The following ADGRB3 variants were observed in gnomAD, a reference collection of about 807,000 sequenced individuals.
ADGRB3 encodes adhesion G protein-coupled receptor B3, also known as brain-specific angiogenesis inhibitor 3.
In ADGRB3, 37 loss-of-function variants were observed where a neutral mutation model predicts 193.4. The observed-to-expected ratio is 0.19, with a 90% CI of 0.15 to 0.25. The LOEUF (loss-of-function observed/expected upper bound fraction) is 0.25, where lower values mean the gene tolerates loss of function less well. Ranked by LOEUF, ADGRB3 falls within the 10% of genes least tolerant of loss-of-function variation. The pLI is 1.00. For missense variants in ADGRB3, 1,637 were observed against 1,852.9 expected, an observed-to-expected ratio of 0.88 and a Z score of 2.14; for synonymous variants, 690 against 644.2, an observed-to-expected ratio of 1.07 and a Z score of -1.08.
intron 3 of ADGRB3, among the ~76,000 whole-genome samples, chr6:68,850,471 C>G (rs1768375111): frequency 6.6e-6 from 1 of 151,928 alleles, no homozygotes. Context: ...CTCATGTTTT[C>G]TCTCCTGTTA....
At chr6:68,970,035 C>T (rs1385290345) in intron 8 of ADGRB3, among the ~76,000 whole-genome samples, 1 of 152,200 alleles carries the variant, frequency 6.6e-6, no homozygotes, top group African/African-American at 2.4e-5. Context: ...CCAAGCTCTT[C>T]CTTGCTTCAA....
At chr6:69,070,270 A>C (rs1436936553) in intron 16 of ADGRB3, among the ~76,000 whole-genome samples, 1 of 152,218 alleles carries the variant, frequency 6.6e-6, no homozygotes. Flanking sequence ...ATAACCACCA[A>C]GCATTCAAAA....
chr6:68,934,396 G>A (rs962497815), intron 4 of ADGRB3, among the ~76,000 whole-genome samples: 8 of 152,126 alleles, frequency 5.3e-5, no homozygotes, highest in East Asian at 1.9e-4. Context: ...ATACTTGTAC[G>A]AAAGTAATTT....
intron 5 of ADGRB3, among the ~76,000 whole-genome samples, chr6:68,942,468 A>G (rs897413734): frequency 3.3e-5 from 5 of 152,314 alleles, no homozygotes; most frequent in Admixed American, 2.6e-4. Context: ...ACATCAAGAC[A>G]GGAGCTTTTG....
At chr6:69,204,803 CTG>C (rs1434353888) in intron 17 of ADGRB3, among the ~76,000 whole-genome samples, 1 of 152,040 alleles carries the variant, frequency 6.6e-6, no homozygotes, top group Non-Finnish European at 1.5e-5. Context: ...GTTTCCAAGA[CTG>C]TAAAATTATG....
At chr6:68,898,233 C>T (rs1766294925) in intron 3 of ADGRB3, among the ~76,000 whole-genome samples, 1 of 151,908 alleles carries the variant, frequency 6.6e-6, no homozygotes, top group African/African-American at 2.4e-5. Context: ...GAACCTGGAG[C>T]TCTGATGTCT....
At chr6:69,111,934 G>A (rs746666754) in intron 17 of ADGRB3, among the ~76,000 whole-genome samples, 33 of 152,204 alleles carry the variant, frequency 2.2e-4, no homozygotes, top group Non-Finnish European at 3.8e-4. Context: ...TTGTGGGATA[G>A]TCATTTATAG....
intron 3 of ADGRB3, among the ~76,000 whole-genome samples, chr6:68,649,513 T>G (rs1051770799): frequency 5.3e-5 from 8 of 152,158 alleles, no homozygotes; most frequent in African/African-American, 1.2e-4. Context: ...TTCATTAGAT[T>G]TTTTGTACTA....
chr6:69,311,171 A>G (rs914745372), intron 20 of ADGRB3, among the ~76,000 whole-genome samples: 3 of 151,792 alleles, frequency 2.0e-5, no homozygotes, highest in Non-Finnish European at 4.4e-5. Flanking sequence ...GCTTCTCGCA[A>G]TAGCATGAAT....
At chr6:69,186,530 C>T (rs938672959) in intron 17 of ADGRB3, among the ~76,000 whole-genome samples, 1 of 151,584 alleles carries the variant, frequency 6.6e-6, no homozygotes, top group Non-Finnish European at 1.5e-5. Flanking sequence ...ATTATTAACC[C>T]CCCAAGTACC....
intron 20 of ADGRB3, among the ~76,000 whole-genome samples, chr6:69,290,412 C>A (rs1305944769): frequency 6.6e-6 from 1 of 151,638 alleles, no homozygotes; most frequent in Non-Finnish European, 1.5e-5. Flanking sequence ...AAAACATTAA[C>A]CCTTGAGGGA....
intron 3 of ADGRB3, among the ~76,000 whole-genome samples, chr6:68,875,213 T>C (rs1201709475): frequency 1.1e-4 from 6 of 54,752 alleles, no homozygotes; most frequent in African/African-American, 4.2e-4. Flanking sequence ...CCGGCCCCTC[T>C]CCTTCCCCCT....
intron 20 of ADGRB3, 91 bp from the exon 21 acceptor site, chr6:69,324,781 A>C: frequency 7.2e-7 from 1 of 1,382,470 alleles, no homozygotes; most frequent in African/African-American, 1.4e-5. Context: ...AAATAAAAGC[A>C]ATGAATCAGA....
At chr6:68,726,357 G>A (rs553055599) in intron 3 of ADGRB3, among the ~76,000 whole-genome samples, 1 of 151,750 alleles carries the variant, frequency 6.6e-6, no homozygotes, top group African/African-American at 2.4e-5. Context: ...TGTGCACACA[G>A]TCAGTTGCAA....
chr6:68,890,789 T>C (rs989269333), intron 3 of ADGRB3, among the ~76,000 whole-genome samples: 1 of 152,136 alleles, frequency 6.6e-6, no homozygotes, highest in Admixed American at 6.6e-5. Flanking sequence ...AAAGATGACC[T>C]CATAGAACAT....
At chr6:68,863,468 T>C (rs958843744) in intron 3 of ADGRB3, among the ~76,000 whole-genome samples, 7 of 152,042 alleles carry the variant, frequency 4.6e-5, no homozygotes, top group African/African-American at 1.4e-4. Context: ...AATCATTTAG[T>C]ATGATTTTAA....
chr6:69,111,347 G>A (rs1304092838), intron 17 of ADGRB3, among the ~76,000 whole-genome samples: 1 of 152,134 alleles, frequency 6.6e-6, no homozygotes, highest in Non-Finnish European at 1.5e-5. Flanking sequence ...GTTTGCAGTA[G>A]GTACATGTCT....
At chr6:68,998,217 A>G (rs1769449660) in intron 11 of ADGRB3, among the ~76,000 whole-genome samples, 1 of 152,228 alleles carries the variant, frequency 6.6e-6, no homozygotes, top group African/African-American at 2.4e-5. Context: ...GAGGGACAGC[A>G]TTAAAATCAC....
At chr6:69,376,004 G>A (rs991268192) in intron 30 of ADGRB3, among the ~76,000 whole-genome samples, 1 of 150,432 alleles carries the variant, frequency 6.6e-6, no homozygotes, top group Admixed American at 6.6e-5. Context: ...CTTGTCATAC[G>A]GATATGTCTT....
Sources: gnomAD v4.1 joint callset for allele counts (sites outside exome capture counted in the v4.1 genomes callset) on GRCh38, gnomAD v4.1.1 for gene constraint, MANE v1.5 for transcripts, NCBI Gene and HGNC (gene_info 2026-07-23, HGNC 2026-07-21) for gene names.